Variants in HMCN2 observed in about 807,000 individuals in gnomAD.
HMCN2 encodes the protein hemicentin-2.
A neutral mutation model predicts 377.5 loss-of-function variants in HMCN2; 325 were observed. The ratio of observed to expected loss-of-function variants is 0.86; its 90% confidence interval spans 0.79 to 0.94. The LOEUF (loss-of-function observed/expected upper bound fraction) is 0.94, where lower values mean the gene tolerates loss of function less well. Ranked by LOEUF, HMCN2 falls within the 40% of genes least tolerant of loss-of-function variation. The pLI is 0.00. For synonymous variants in HMCN2, 2,007 were observed against 2,046.8 expected, an observed-to-expected ratio of 0.98 and a Z score of 0.53; for missense variants, 4,543 against 4,725.3, an observed-to-expected ratio of 0.96 and a Z score of 1.13.
intron 71 of HMCN2, among the ~76,000 whole-genome samples, 183 bp downstream of exon 71, chr9:130,395,530 G>A (rs1292130237): frequency 6.6e-6 from 1 of 152,138 alleles, no homozygotes; most frequent in African/African-American, 2.4e-5. Context: ...TATGGATGGG[G>A]ACACTGAGGC....
intron 89 of HMCN2, 109 bp downstream of exon 89, chr9:130,425,239 C>A: frequency 7.9e-7 from 1 of 1,265,728 alleles, no homozygotes; most frequent in Non-Finnish European, 1.1e-6. Flanking sequence ...TCTGACAGCG[C>A]TGCAGGGCTG....
chr9:130,354,055 C>T (rs986888099), intron 31 of HMCN2, among the ~76,000 whole-genome samples: 3 of 152,136 alleles, frequency 2.0e-5, no homozygotes, highest in African/African-American at 7.2e-5. Flanking sequence ...ATTTTGGGAC[C>T]CGAGGTCCCC....
In HMCN2 at chr9:130,365,905, C is replaced by T; in HGVS notation, c.6535C>T (p.His2179Tyr). 1.0e-6 allele frequency: 1 copy of T among 985,784 alleles called. No homozygotes were observed. The highest frequency in any genetic ancestry group is 1.2e-6 in the Non-Finnish European group (1 of 829,882). 61.1% of individuals were successfully genotyped at this position (985,784 alleles called of 1,614,324 possible). Residue 2179 changes from histidine to tyrosine, a missense_variant, in exon 43 of 98, where the codon CAC (histidine) becomes TAC (tyrosine). By Grantham distance (83) the His-to-Tyr change is moderately conservative. Transcript: ENST00000683500. ...VAPVFPLRES[H>Y]TLTVREGHPT... The stretch of plus-strand genomic sequence containing the variant: ...TCCAGTGTTCCCCTTGAGGGAATCC[C>T]ACACCCTGACTGTGAGAGAGGGGCA...
intron 26 of HMCN2, 133 bp from the exon 27 acceptor site, chr9:130,348,412 G>A: frequency 8.3e-7 from 1 of 1,211,196 alleles, no homozygotes; most frequent in Non-Finnish European, 1.1e-6. Context: ...ACCCTTTGTG[G>A]CTGGGCGGAC....
chr9:130,325,554 T>C (rs1838088906), intron 19 of HMCN2, 41 bp from the exon 20 acceptor site: 1 of 152,336 alleles, frequency 6.6e-6, no homozygotes, highest in Non-Finnish European at 1.5e-5. Context: ...TGAATGATGC[T>C]GCAATGAGCC....
chr9:130,359,689 C>T (rs1344382392), intron 37 of HMCN2, among the ~76,000 whole-genome samples: 2 of 152,160 alleles, frequency 1.3e-5, no homozygotes, highest in Non-Finnish European at 2.9e-5. Context: ...AGGATCAGGA[C>T]CTCAGAGTCA....
chr9:130,402,210 C>T (rs1426971341), intron 77 of HMCN2, among the ~76,000 whole-genome samples: 1 of 152,252 alleles, frequency 6.6e-6, no homozygotes, highest in Non-Finnish European at 1.5e-5. Flanking sequence ...GGCCAGAGTG[C>T]CGTGGGCCTT....
chr9:130,387,455 A>C (rs1284209534), intron 61 of HMCN2, among the ~76,000 whole-genome samples: 1 of 152,150 alleles, frequency 6.6e-6, no homozygotes, highest in Non-Finnish European at 1.5e-5. Context: ...TATGGTTGAA[A>C]CTGGGACACG....
At chr9:130,397,454 G>T in intron 73 of HMCN2, 74 bp from the exon 74 acceptor site, 1 of 1,242,588 alleles carries the variant, frequency 8.0e-7, no homozygotes, top group Non-Finnish European at 1.0e-6. Context: ...CAGAGGGAAG[G>T]GTCTTGCTAG....
intron 82 of HMCN2, 193 bp from the exon 83 acceptor site, chr9:130,407,378 G>A: frequency 5.5e-6 from 2 of 363,558 alleles, no homozygotes; most frequent in South Asian, 4.3e-5. Flanking sequence ...CTGGAAGATG[G>A]TAGAAGGCAG....
At chr9:130,331,050 C>T (rs921204682) in intron 22 of HMCN2, among the ~76,000 whole-genome samples, 1 of 151,240 alleles carries the variant, frequency 6.6e-6, no homozygotes, top group African/African-American at 2.4e-5. Context: ...CCCAGCTTCT[C>T]GGGAGGCTGA....
In HMCN2 at chr9:130,349,422, A is replaced by G. The variant is rs973297025; in HGVS notation, c.4304-115A>G. The G allele has an allele frequency of 7.8e-6, 9 of 1,156,546 alleles. No homozygotes were observed. In the African/African-American group the frequency reaches 1.3e-4, roughly 17 times the overall value. The allele number at this position is 1,156,546 out of a possible 1,614,324, so 71.6% of individuals were successfully genotyped here. ...CAGGGTTTTGGGGGGCTTCCCAGGAAGGTCAGGTAGGAGGGGGGCCCAGGC... is the reference window on the plus strand; with the variant it reads ...CAGGGTTTTGGGGGGCTTCCCAGGAGGGTCAGGTAGGAGGGGGGCCCAGGC... On this transcript the variant is annotated intron_variant, in intron 28 of 97. Transcript: ENST00000683500.
chr9:130,410,825 G>A (rs1353685814), intron 85 of HMCN2, among the ~76,000 whole-genome samples, 173 bp downstream of exon 85: 3 of 152,170 alleles, frequency 2.0e-5, no homozygotes, highest in Non-Finnish European at 4.4e-5. Context: ...GGGTGACTGA[G>A]ACTCAGGACT....
In HMCN2 at chr9:130,307,565, A is replaced by AGGT. The variant is rs782393375; in HGVS notation, c.2200+1_2200+3dup. ...CCCCGCCCCGAGTCATCTGGTATCG[A>AGGT]GGTGTGTTGGTGGGGAGGGGCCCTG... On this transcript the variant is annotated inframe_insertion and splice_region_variant, in exon 14 of 98. Transcript: ENST00000683500. 5.9e-5 allele frequency: 28 copies of AGGT among 470,620 alleles called. No homozygotes were observed. The highest frequency in any genetic ancestry group is 1.8e-5 in the Non-Finnish European group (4 of 226,966). The allele number at this position is 470,620 out of a possible 1,614,324, so 29.2% of individuals were successfully genotyped here.
chr9:130,273,674 C>A (rs1554921980), intron 1 of HMCN2, among the ~76,000 whole-genome samples: 1 of 151,890 alleles, frequency 6.6e-6, no homozygotes, highest in Non-Finnish European at 1.5e-5. Context: ...ATTTTCGTAT[C>A]TTTAGTAGAG....
intron 54 of HMCN2, among the ~76,000 whole-genome samples, chr9:130,381,255 C>T (rs1449412803): frequency 1.3e-5 from 2 of 152,182 alleles, no homozygotes; most frequent in Admixed American, 6.5e-5. Context: ...GGTCAAGCTA[C>T]CCACAGCCCG....
chr9:130,283,315 T>C (rs1317578688), intron 1 of HMCN2, among the ~76,000 whole-genome samples: 1 of 152,068 alleles, frequency 6.6e-6, no homozygotes, highest in African/African-American at 2.4e-5. Flanking sequence ...ATATACAACA[T>C]AAGTAGAAGA....
chr9:130,416,320 G>C (rs1344685043), intron 85 of HMCN2, among the ~76,000 whole-genome samples: 1 of 151,992 alleles, frequency 6.6e-6, no homozygotes, highest in Non-Finnish European at 1.5e-5. Context: ...GGCCCGGCTG[G>C]TCTCAAACTC....
At position 130,360,682 on chromosome 9, in the gene HMCN2, C is replaced by T; in HGVS notation, c.5950+78C>T. On this transcript the variant is annotated intron_variant, in intron 38 of 97. Transcript: ENST00000683500. This position sits in a 1 kb window ranked among gnomAD's most constrained non-coding sequence, Gnocchi z 4.7. ...TCATTTGTCTATTAGTCTGTCCATC[C>T]ACCTGTCCACTCATCCATCCATCTA... The T allele has an allele frequency of 1.2e-6, 1 of 854,016 alleles. No homozygotes were observed. The highest frequency in any genetic ancestry group is 1.7e-5 in the South Asian group (1 of 57,960). 52.9% of individuals were successfully genotyped at this position (854,016 alleles called of 1,614,324 possible).
Sources: gnomAD v4.1 joint callset for allele counts (sites outside exome capture counted in the v4.1 genomes callset) on GRCh38, gnomAD v4.1.1 for gene constraint, Gnocchi (gnomAD v3.1) non-coding constraint, MANE v1.5 for transcripts, NCBI Gene and HGNC (gene_info 2026-07-23, HGNC 2026-07-21) for gene names.